The following PALM2AKAP2 variants were observed in gnomAD, a reference collection of about 807,000 sequenced individuals.
The protein encoded by PALM2AKAP2 is PALM2-AKAP2 fusion protein.
In PALM2AKAP2, 37 loss-of-function variants were observed where a neutral mutation model predicts 71.5. That is an observed-to-expected ratio of 0.52 (90% CI 0.40 to 0.68). PALM2AKAP2 has a LOEUF of 0.68. Ranked by LOEUF, PALM2AKAP2 falls within the 30% of genes least tolerant of loss-of-function variation. The probability of loss-of-function intolerance (pLI) is 0.00; values close to 1 mark genes in which losing one functional copy is unlikely to be tolerated. For missense variants in PALM2AKAP2, 1,224 were observed against 1,191.8 expected (o/e 1.03, Z -0.40); for synonymous variants, 468 against 478.8 (o/e 0.98, Z 0.29).
intron 3 of PALM2AKAP2, among the ~76,000 whole-genome samples, chr9:109,919,507 T>C (rs942770008): frequency 6.6e-6 from 1 of 152,166 alleles, no homozygotes; most frequent in Non-Finnish European, 1.5e-5. Flanking sequence ...TTAATTCTCA[T>C]GAAGGTGTGC....
chr9:109,840,254 AAG>A (rs1828618369), intron 1 of PALM2AKAP2, among the ~76,000 whole-genome samples: 1 of 152,232 alleles, frequency 6.6e-6, no homozygotes, highest in African/African-American at 2.4e-5. Flanking sequence ...TGACAAAAAC[AAG>A]AAATGGGGAA....
intron 1 of PALM2AKAP2, among the ~76,000 whole-genome samples, chr9:110,116,200 G>T (rs963433711): frequency 6.6e-6 from 1 of 152,174 alleles, no homozygotes; most frequent in African/African-American, 2.4e-5. Flanking sequence ...GTTACATTCT[G>T]TTCCAAGCCC....
At chr9:110,044,330 CT>C (rs1405782928), upstream of PALM2AKAP2, among the ~76,000 whole-genome samples, 5 of 115,072 alleles carry the variant, frequency 4.3e-5, no homozygotes, top group African/African-American at 1.6e-4. Flanking sequence ...CCTGCTTTTT[CT>C]TTTTCTTTCT....
intron 3 of PALM2AKAP2, 147 bp downstream of exon 3, chr9:109,880,828 A>G (rs1044044244): frequency 7.8e-5 from 97 of 1,239,750 alleles, no homozygotes; most frequent in Non-Finnish European, 9.1e-5. Flanking sequence ...ATGTTGTTTA[A>G]ACTTTTCCAG....
At chr9:109,875,366 C>T (rs1829699506) in intron 2 of PALM2AKAP2, among the ~76,000 whole-genome samples, 1 of 152,196 alleles carries the variant, frequency 6.6e-6, no homozygotes, top group Non-Finnish European at 1.5e-5. Flanking sequence ...CTGAGATTAT[C>T]TTGCATCCTT....
intron 1 of PALM2AKAP2, among the ~76,000 whole-genome samples, chr9:109,843,301 CAA>C (rs35634219): frequency 1.6e-4 from 11 of 66,972 alleles, no homozygotes; most frequent in Admixed American, 3.7e-4. Context: ...GCCCCTGTCT[CAA>C]AAAAAAAAAA....
At chr9:109,655,281 A>G (rs1366722361) in intron 1 of PALM2AKAP2, among the ~76,000 whole-genome samples, 1 of 142,766 alleles carries the variant, frequency 7.0e-6, no homozygotes, top group African/African-American at 2.7e-5. Flanking sequence ...GCTGGGCGAC[A>G]GAGCGAGACT....
chr9:109,781,275 C>A (rs1358742180), intron 1 of PALM2AKAP2, among the ~76,000 whole-genome samples: 1 of 152,184 alleles, frequency 6.6e-6, no homozygotes, highest in African/African-American at 2.4e-5. Flanking sequence ...TAGATTTGAG[C>A]AATCTTAACA....
chr9:109,746,269 C>T (rs531743381), intron 1 of PALM2AKAP2, among the ~76,000 whole-genome samples: 36 of 152,326 alleles, frequency 2.4e-4, no homozygotes, highest in African/African-American at 7.9e-4. Flanking sequence ...GGCTTGCTCT[C>T]TGATAATGAA....
In PALM2AKAP2 at chr9:110,098,214, GGCTCTGCA is replaced by G. The variant is rs558801486; in HGVS notation, c.157-37910_157-37903del. Among the ~76,000 whole-genome samples the G allele has an allele frequency of 2.4e-3, 358 of 151,866 alleles. 1 individual carries two copies. Among genetic ancestry groups the G allele is most frequent in the Middle Eastern group, 3.4e-3 (1 of 294 alleles). ...AATTTTCAAACTGGTTTAGCATGCT[GGCTCTGCA>G]GCCAGACTGCCTGAGCTCAAATGTC... On this transcript the variant is annotated intron_variant, in intron 1 of 3. Transcript: ENST00000374525.
intron 1 of PALM2AKAP2, among the ~76,000 whole-genome samples, chr9:109,797,014 G>A (rs116539724): frequency 0.012 from 1,868 of 152,272 alleles, 38 homozygotes; most frequent in African/African-American, 0.042. Context: ...CCTAAATTCT[G>A]TCTTATCCCC....
At chr9:109,781,558 A>C (rs1826796561) in intron 1 of PALM2AKAP2, among the ~76,000 whole-genome samples, 1 of 152,142 alleles carries the variant, frequency 6.6e-6, no homozygotes, top group Admixed American at 6.5e-5. Flanking sequence ...AGTATATTAA[A>C]GCGTTTTCCA....
chr9:109,819,704 TATG>T lies in PALM2AKAP2; in HGVS notation c.45+39172_45+39174del. ...AAAGGCCTAATTATGTGTGTGTGTGTATGTGTGTGTGTGTGTGTGTGTGTGTGT... is the reference window on the plus strand; with the variant it reads ...AAAGGCCTAATTATGTGTGTGTGTGTTGTGTGTGTGTGTGTGTGTGTGTGT... On this transcript the variant is annotated intron_variant, in intron 1 of 9. Transcript: ENST00000302798. Among the ~76,000 whole-genome samples, 3 of 80,838 alleles carry T rather than the reference TATG, an allele frequency of 3.7e-5. No individual in the cohort carries two copies. In the South Asian group the frequency reaches 1.0e-3, roughly 27 times the overall value. The allele number at this position is 80,838 out of a possible 152,430, so 53.0% of individuals were successfully genotyped here. A position where few individuals can be genotyped will look rare whatever the true frequency, so the allele number is the denominator to read the frequency against.
exon 2 of PALM2AKAP2, chr9:110,136,590 G>A: frequency 5.0e-6 from 8 of 1,613,800 alleles, no homozygotes; most frequent in Non-Finnish European, 6.8e-6. Context: ...ATCGAGCTCA[G>A]TAATAGCAGC....
intron 1 of PALM2AKAP2, among the ~76,000 whole-genome samples, chr9:109,692,080 TA>T (rs921310797): frequency 5.3e-5 from 8 of 149,922 alleles, no homozygotes; most frequent in African/African-American, 1.9e-4. Flanking sequence ...TTTAAATTTT[TA>T]AAAAATTTTT....
At chr9:110,048,668 C>A, upstream of PALM2AKAP2, 2 of 1,495,622 alleles carry the variant, frequency 1.3e-6, no homozygotes, top group Non-Finnish European at 1.8e-6. Context: ...TCCCCGCCCT[C>A]CAGCGCGCCC....
At chr9:109,916,319 C>T (rs1023491569) in intron 3 of PALM2AKAP2, among the ~76,000 whole-genome samples, 36 of 152,206 alleles carry the variant, frequency 2.4e-4, no homozygotes, top group Non-Finnish European at 4.7e-4. Flanking sequence ...GTCTTCCCTT[C>T]TCTTTGTTTG....
intron 1 of PALM2AKAP2, among the ~76,000 whole-genome samples, chr9:110,126,758 C>A (rs997199564): frequency 2.0e-5 from 3 of 152,130 alleles, no homozygotes; most frequent in African/African-American, 7.2e-5. Context: ...CCGCTGCTGA[C>A]CCCCACCACA....
intron 6 of PALM2AKAP2, chr9:109,943,332 C>T (rs758545643): frequency 9.3e-6 from 15 of 1,614,104 alleles, no homozygotes; most frequent in Non-Finnish European, 1.3e-5. Context: ...CCACAGAGCC[C>T]TCATCCCCAG....
Sources: gnomAD v4.1 joint callset for allele counts (sites outside exome capture counted in the v4.1 genomes callset) on GRCh38, gnomAD v4.1.1 for gene constraint, MANE v1.5 for transcripts, NCBI Gene and HGNC (gene_info 2026-07-23, HGNC 2026-07-21) for gene names.